PTPRG: variants seen among roughly 807,000 people sequenced by gnomAD.
PTPRG encodes the protein receptor-type tyrosine-protein phosphatase gamma.
In PTPRG, 102 loss-of-function variants were observed where a neutral mutation model predicts 165.3. That is an observed-to-expected ratio of 0.62 (90% confidence interval 0.53 to 0.73). The LOEUF is 0.73. Ranked by LOEUF, PTPRG falls within the 30% of genes least tolerant of loss-of-function variation. The pLI, the probability that PTPRG is intolerant of heterozygous loss-of-function variation, is 0.00. For missense variants in PTPRG, 1,866 were observed against 1,861.4 expected (o/e 1.00, Z -0.05); for synonymous variants, 675 against 669.5 (o/e 1.01, Z -0.13).
chr3:62,057,993 T>C (rs1700686567), intron 4 of PTPRG, among the ~76,000 whole-genome samples: 1 of 152,226 alleles, frequency 6.6e-6, no homozygotes, highest in South Asian at 2.1e-4. Context: ...CCCAATACTC[T>C]AACCCTTAGA....
chr3:61,821,570 T>C (rs2107257820), intron 2 of PTPRG, among the ~76,000 whole-genome samples: 1 of 152,326 alleles, frequency 6.6e-6, no homozygotes, highest in African/African-American at 2.4e-5. Context: ...GCCAGAGAAC[T>C]GAGGCTTAAA....
At position 62,213,799 on chromosome 3, in the gene PTPRG, C is replaced by A. The variant is rs980597326; in HGVS notation, c.2156-5052C>A. The stretch of plus-strand genomic sequence containing the variant: ...TAATGATATGGGTGTATACTCAGGG[C>A]CACATTTTGTGTGTTGTAGTAGTCC... On this transcript the variant is annotated intron_variant, in intron 12 of 29. Coordinates refer to ENST00000474889, the MANE Select transcript of PTPRG (RefSeq NM_002841.4). This position sits in a 1 kb window ranked among gnomAD's most constrained non-coding sequence, Gnocchi z 4.4. Among the ~76,000 whole-genome samples, 1 of 152,120 alleles carries A rather than the reference C, an allele frequency of 6.6e-6. No homozygotes were observed. The highest frequency in any genetic ancestry group is 2.4e-5 in the African/African-American group (1 of 41,422).
chr3:61,981,402 A>G (rs1004755418), intron 2 of PTPRG, among the ~76,000 whole-genome samples: 4 of 152,214 alleles, frequency 2.6e-5, no homozygotes, highest in African/African-American at 9.6e-5. Flanking sequence ...TGCTGATTCA[A>G]TCTCTTGTCA....
At chr3:61,961,811 ACCCATCAT>A (rs1235651543) in intron 2 of PTPRG, among the ~76,000 whole-genome samples, 1 of 152,080 alleles carries the variant, frequency 6.6e-6, no homozygotes, top group Non-Finnish European at 1.5e-5. Flanking sequence ...CATTTCTACA[ACCCATCAT>A]CCCAAGGCTT....
chr3:62,236,556 G>A (rs1302828475), intron 14 of PTPRG, among the ~76,000 whole-genome samples: 1 of 152,198 alleles, frequency 6.6e-6, no homozygotes, highest in Non-Finnish European at 1.5e-5. Context: ...AATCAGTTAA[G>A]ATTGTATAAT....
intron 13 of PTPRG, among the ~76,000 whole-genome samples, chr3:62,225,432 T>C (rs1278317607): frequency 1.3e-5 from 2 of 152,132 alleles, no homozygotes; most frequent in Non-Finnish European, 2.9e-5. Flanking sequence ...GTGCAACTTA[T>C]TAGTTGTGCT....
chr3:62,008,658 TG>T (rs1264178107), intron 4 of PTPRG, among the ~76,000 whole-genome samples: 1 of 152,248 alleles, frequency 6.6e-6, no homozygotes, highest in East Asian at 1.9e-4. Context: ...GGACTGGTTT[TG>T]TGGAAGACAG....
chr3:61,674,010 A>G (rs1197672128), intron 1 of PTPRG, among the ~76,000 whole-genome samples: 1 of 149,666 alleles, frequency 6.7e-6, no homozygotes, highest in Non-Finnish European at 1.5e-5. Flanking sequence ...GGAGGGGAAC[A>G]TCACACACTG....
intron 1 of PTPRG, among the ~76,000 whole-genome samples, chr3:61,745,491 A>T (rs1418173942): frequency 6.6e-6 from 1 of 152,146 alleles, no homozygotes. Context: ...TGTACTTTAG[A>T]AGCCAGTTTT....
intron 1 of PTPRG, among the ~76,000 whole-genome samples, chr3:61,595,969 A>G (rs186499434): frequency 7.7e-4 from 118 of 152,320 alleles, no homozygotes; most frequent in African/African-American, 2.8e-3. Flanking sequence ...CCACCACCCC[A>G]TGTAATTTAT....
intron 1 of PTPRG, among the ~76,000 whole-genome samples, chr3:61,617,170 A>AATT (rs1701320950): frequency 6.6e-6 from 1 of 152,226 alleles, no homozygotes; most frequent in African/African-American, 2.4e-5. Flanking sequence ...AAGGGACAGG[A>AATT]ATTACACTGT....
chr3:62,061,795 A>G (rs1459259928), intron 4 of PTPRG, among the ~76,000 whole-genome samples: 1 of 151,288 alleles, frequency 6.6e-6, no homozygotes, highest in Non-Finnish European at 1.5e-5. Context: ...CACCCCAGTT[A>G]ATTTTTGTAT....
Position 62,297,126 on chromosome 3 carries a change from T to C in PTPRG, c.*3819T>C, listed in dbSNP as rs1272763711. ...AACTGTAAATATTTTGTTGCTTGGG[T>C]AAGCATCTTCTGGGAACTTTGTATC... is the stretch of plus-strand genomic sequence containing the variant. On this transcript the variant is annotated 3_prime_UTR_variant, in exon 30 of 30. Coordinates refer to ENST00000474889, the MANE Select transcript of PTPRG (RefSeq NM_002841.4). The C allele has an allele frequency of 6.6e-6, 1 of 152,100 alleles. No homozygotes were observed. Among genetic ancestry groups the C allele is most frequent in the Non-Finnish European group, 1.5e-5 (1 of 67,966 alleles). The allele number at this position is 152,100 out of a possible 1,614,324, so 9.4% of individuals were successfully genotyped here.
intron 16 of PTPRG, among the ~76,000 whole-genome samples, chr3:62,258,979 A>C (rs1395131801): frequency 1.3e-5 from 2 of 152,216 alleles, no homozygotes; most frequent in East Asian, 1.9e-4. Flanking sequence ...AAGAATTAAC[A>C]GGCAGGGACT....
chr3:61,904,015 T>A (rs1881940), intron 2 of PTPRG, among the ~76,000 whole-genome samples: 2 of 152,150 alleles, frequency 1.3e-5, no homozygotes, highest in African/African-American at 4.8e-5. Context: ...GAAGAGATGC[T>A]TCTGTAAATA....
intron 1 of PTPRG, among the ~76,000 whole-genome samples, chr3:61,602,549 G>A (rs1700899486): frequency 6.6e-6 from 1 of 152,198 alleles, no homozygotes; most frequent in Non-Finnish European, 1.5e-5. Flanking sequence ...TGCCATGAAT[G>A]CTTTATGGGA....
At position 62,252,849 on chromosome 3, in the gene PTPRG, G is replaced by A. The variant is rs1422517060; in HGVS notation, c.2468-2275G>A. Among the ~76,000 whole-genome samples, 2 of 152,198 alleles carry A rather than the reference G, an allele frequency of 1.3e-5. No individual in the cohort carries two copies. The highest frequency in any genetic ancestry group is 4.8e-5 in the African/African-American group (2 of 41,444). On this transcript the variant is annotated intron_variant, in intron 15 of 29. Coordinates refer to ENST00000474889, the MANE Select transcript of PTPRG (RefSeq NM_002841.4). This position sits in a 1 kb window ranked among gnomAD's most constrained non-coding sequence, Gnocchi z 4.6. The stretch of plus-strand genomic sequence containing the variant: ...ACAGTGGTCAGTACAGCATGCATCT[G>A]TATGTATGTCCGCCTGTCTGGTACT...
intron 2 of PTPRG, among the ~76,000 whole-genome samples, chr3:61,821,056 T>G (rs1411784617): frequency 6.6e-6 from 1 of 152,222 alleles, no homozygotes; most frequent in African/African-American, 2.4e-5. Flanking sequence ...CATAGATTTC[T>G]CCTTTTAATG....
At chr3:61,577,620 C>G (rs1700197733) in intron 1 of PTPRG, among the ~76,000 whole-genome samples, 1 of 152,276 alleles carries the variant, frequency 6.6e-6, no homozygotes, top group African/African-American at 2.4e-5. Context: ...TTTCCTTTTA[C>G]TGTTTCATGT....
Sources: gnomAD v4.1 joint callset for allele counts (sites outside exome capture counted in the v4.1 genomes callset) on GRCh38, gnomAD v4.1.1 for gene constraint, Gnocchi (gnomAD v3.1) non-coding constraint, MANE v1.5 for transcripts, NCBI Gene and HGNC (gene_info 2026-07-23, HGNC 2026-07-21) for gene names.